Variants in CTNNA1 observed in about 807,000 individuals in gnomAD.
CTNNA1 encodes catenin alpha 1, also known as catenin alpha-1.
A neutral mutation model predicts 98.4 loss-of-function variants in CTNNA1; 37 were observed. The observed-to-expected ratio is 0.38, with a 90% CI of 0.29 to 0.49. CTNNA1 has a LOEUF of 0.49. Among genes scored for constraint, CTNNA1 ranks in the 20% least tolerant of loss-of-function variants. CTNNA1 has a pLI of 0.95. For missense variants in CTNNA1, 761 were observed against 1,147.2 expected (o/e 0.66, Z 4.86); for synonymous variants, 404 against 413.2 (o/e 0.98, Z 0.27).
In CTNNA1 at chr5:138,848,946, A is replaced by T. The variant is rs551538028; in HGVS notation, c.1062+21228A>T. The stretch of plus-strand genomic sequence containing the variant: ...ACCATGTTGGTCAGACTGGTCTCGA[A>T]CTCCTGACCTCATGATATGCCTGCC... On this transcript the variant is annotated intron_variant, in intron 7 of 17. Transcript: ENST00000302763. 3.3e-5 allele frequency among the ~76,000 whole-genome samples: 5 copies of T among 151,756 alleles called. No homozygotes were observed. In the South Asian group the frequency reaches 8.3e-4, roughly 25 times the overall value.
intron 4 of CTNNA1, 51 bp downstream of exon 4, chr5:138,810,255 T>A (rs1284216917): frequency 6.3e-7 from 1 of 1,579,832 alleles, no homozygotes; most frequent in Non-Finnish European, 8.7e-7. Flanking sequence ...GGAAGATTGC[T>A]ACTGGCCTTC....
chr5:138,827,818 G>A lies in CTNNA1; in HGVS notation c.1062+100G>A, dbSNP rs572887543. ...TGTTTTCACTATAAATACCAAATAT[G>A]TCCTTGACTCCTTGATTTTTGGGAG... On this transcript the variant is annotated intron_variant, in intron 7 of 17. Coordinates refer to ENST00000302763, the MANE Select transcript of CTNNA1 (RefSeq NM_001903.5). 5.0e-6 allele frequency: 7 copies of A among 1,412,584 alleles called. No homozygotes were observed. The East Asian group carries it at 1.7e-4, about 34-fold the overall frequency. The allele number at this position is 1,412,584 out of a possible 1,614,324, so 87.5% of individuals were successfully genotyped here.
At chr5:138,821,977 A>G (rs1326511488) in intron 5 of CTNNA1, among the ~76,000 whole-genome samples, 5 of 152,230 alleles carry the variant, frequency 3.3e-5, no homozygotes, top group African/African-American at 1.2e-4. Flanking sequence ...AACAAAATCT[A>G]ATTTCTTTGT....
chr5:138,862,153 T>C (rs989073276), intron 7 of CTNNA1, among the ~76,000 whole-genome samples: 5 of 152,202 alleles, frequency 3.3e-5, no homozygotes, highest in African/African-American at 9.7e-5. Flanking sequence ...TTCAGTAATA[T>C]GGAGGATTAC....
At chr5:138,771,344 A>G (rs1753531636) in intron 1 of CTNNA1, among the ~76,000 whole-genome samples, 1 of 152,100 alleles carries the variant, frequency 6.6e-6, no homozygotes, top group African/African-American at 2.4e-5. Context: ...AAAGGAGCAA[A>G]ATAAAAATGA....
intron 3 of CTNNA1, among the ~76,000 whole-genome samples, chr5:138,783,693 A>C (rs1382968273): frequency 6.6e-6 from 1 of 152,232 alleles, no homozygotes; most frequent in Non-Finnish European, 1.5e-5. Flanking sequence ...GTTAAGTCTT[A>C]GAAATGTTGT....
intron 7 of CTNNA1, among the ~76,000 whole-genome samples, chr5:138,876,550 C>T (rs568985910): frequency 3.9e-5 from 6 of 152,312 alleles, no homozygotes; most frequent in African/African-American, 9.6e-5. Context: ...TTTTCTACAT[C>T]TTGCCTTATT....
At chr5:138,835,292 C>T (rs150820280) in intron 7 of CTNNA1, among the ~76,000 whole-genome samples, 135 of 152,272 alleles carry the variant, frequency 8.9e-4, no homozygotes, top group African/African-American at 3.2e-3. Flanking sequence ...AGAGTATTTT[C>T]CATGCTAGAC....
chr5:138,841,434 A>G (rs1337740159), intron 7 of CTNNA1, among the ~76,000 whole-genome samples: 1 of 151,856 alleles, frequency 6.6e-6, no homozygotes, highest in Non-Finnish European at 1.5e-5. Context: ...TAATTTTTGT[A>G]TTTTTAGTAG....
intron 1 of CTNNA1, among the ~76,000 whole-genome samples, chr5:138,774,742 C>T (rs1017519555): frequency 2.0e-5 from 3 of 152,066 alleles, no homozygotes; most frequent in Admixed American, 6.6e-5. Context: ...CTGCCTCAGC[C>T]TCCTGAGTAG....
Position 138,933,927 on chromosome 5 carries a change from C to T in CTNNA1, c.2559C>T (p.Asn853=), listed in dbSNP as rs374540412. 119 of 1,614,044 alleles carry T rather than the reference C, an allele frequency of 7.4e-5. No individual in the cohort carries two copies. The highest frequency in any genetic ancestry group is 9.6e-5 in the Non-Finnish European group (113 of 1,180,050). ...YQKSQGMASL[N]LPAVSWKMKA... ...AGTCACAGGGTATGGCTTCCCTCAA[C>T]CTTCCTGCTGTGTCATGGAAGATGA... The change falls in exon 18 of 18, where the codon AAC becomes AAT. Residue 853 remains asparagine, a synonymous_variant. Transcript: ENST00000302763.
chr5:138,797,897 T>A (rs1296344063), intron 3 of CTNNA1, among the ~76,000 whole-genome samples: 2 of 151,334 alleles, frequency 1.3e-5, no homozygotes, highest in Non-Finnish European at 2.9e-5. Context: ...AAAAAAAAAT[T>A]TAAAAAAAGC....
intron 11 of CTNNA1, among the ~76,000 whole-genome samples, chr5:138,922,616 G>GT (rs777427757): frequency 2.6e-5 from 4 of 152,134 alleles, no homozygotes; most frequent in Non-Finnish European, 4.4e-5. Context: ...GACCTATGCT[G>GT]TTTCCTTAGC....
chr5:138,921,834 C>T (rs1444654551), intron 11 of CTNNA1, among the ~76,000 whole-genome samples: 2 of 151,616 alleles, frequency 1.3e-5, no homozygotes, highest in Non-Finnish European at 1.5e-5. Flanking sequence ...CTCCTGACCT[C>T]GTGATCTGCC....
At chr5:138,893,237 G>GC (rs1418221507) in intron 9 of CTNNA1, among the ~76,000 whole-genome samples, 1 of 152,092 alleles carries the variant, frequency 6.6e-6, no homozygotes, top group East Asian at 1.9e-4. Context: ...GAAGGAGACT[G>GC]CCCAGTGTAT....
chr5:138,755,605 A>G (rs1751546374), intron 1 of CTNNA1, among the ~76,000 whole-genome samples: 1 of 152,160 alleles, frequency 6.6e-6, no homozygotes, highest in Non-Finnish European at 1.5e-5. Context: ...CTCCTCCAAG[A>G]TGAGAATCAC....
chr5:138,923,188 G>A (rs1763278622), intron 11 of CTNNA1, among the ~76,000 whole-genome samples: 1 of 152,164 alleles, frequency 6.6e-6, no homozygotes, highest in Non-Finnish European at 1.5e-5. Flanking sequence ...TAAAGCAGCA[G>A]TTTTTAACCC....
chr5:138,839,742 C>T (rs1762116229), intron 7 of CTNNA1, among the ~76,000 whole-genome samples: 1 of 152,184 alleles, frequency 6.6e-6, no homozygotes, highest in Admixed American at 6.5e-5. Flanking sequence ...GTGGGACAGA[C>T]AGGGTGGAGT....
intron 7 of CTNNA1, among the ~76,000 whole-genome samples, chr5:138,836,735 T>C (rs1329088240): frequency 1.3e-5 from 2 of 152,194 alleles, no homozygotes; most frequent in African/African-American, 4.8e-5. Context: ...GACTGTCCTT[T>C]ATATCACTTT....
Sources: gnomAD v4.1 joint callset for allele counts (sites outside exome capture counted in the v4.1 genomes callset) on GRCh38, gnomAD v4.1.1 for gene constraint, MANE v1.5 for transcripts, NCBI Gene and HGNC (gene_info 2026-07-23, HGNC 2026-07-21) for gene names.